ATRX: variants seen among roughly 807,000 people sequenced by gnomAD.
The protein encoded by ATRX is chromatin remodeler ATRX.
Under a neutral mutation model 172.6 loss-of-function variants are expected in ATRX, and 12 were observed. That is an observed-to-expected ratio of 0.07 (90% CI 0.04 to 0.11). The LOEUF (loss-of-function observed/expected upper bound fraction) is 0.11, where lower values mean the gene tolerates loss of function less well. ATRX is among the 10% of genes least tolerant of loss of function. The pLI, the probability that ATRX is intolerant of heterozygous loss-of-function variation, is 1.00. For synonymous variants in ATRX, 674 were observed against 594.7 expected (o/e 1.13, Z -1.94); for missense variants, 1,368 against 1,767.4 (o/e 0.77, Z 4.05).
At chrX:77,745,919 A>T (rs1006066236) in intron 1 of ATRX, among the ~76,000 whole-genome samples, 13 of 110,736 alleles carry the variant, frequency 1.2e-4, no homozygotes, top group Non-Finnish European at 2.5e-4. Flanking sequence ...GTACACACAA[A>T]TTTTTTTTTA....
At chrX:77,616,104 C>A in intron 22 of ATRX, 1 of 774,718 alleles carries the variant, frequency 1.3e-6, no homozygotes. Context: ...AAGAAATAAA[C>A]TAGAAGGTCT....
At chrX:77,589,989 T>C in intron 26 of ATRX, 49 bp from the exon 27 acceptor site, 1 of 989,227 alleles carries the variant, frequency 1.0e-6, no homozygotes, top group South Asian at 2.0e-5. Context: ...CTAGTAAAGA[T>C]ATCACTTCTT....
At chrX:77,652,015 T>C in intron 15 of ATRX, 99 bp downstream of exon 15, 1 of 926,940 alleles carries the variant, frequency 1.1e-6, no homozygotes, top group Admixed American at 2.2e-5. Flanking sequence ...GAGGCCAAGG[T>C]AGGAGGATCA....
chrX:77,532,273 T>C (rs1446527321), intron 30 of ATRX, among the ~76,000 whole-genome samples: 1 of 109,409 alleles, frequency 9.1e-6, no homozygotes, highest in African/African-American at 3.3e-5. Flanking sequence ...TTCACAGAAT[T>C]AGAAAAAAAA....
chrX:77,736,962 C>T (rs139106274), intron 1 of ATRX, among the ~76,000 whole-genome samples: 295 of 111,375 alleles, frequency 2.6e-3, no homozygotes, highest in Non-Finnish European at 4.7e-3. Flanking sequence ...GTGAAATAAG[C>T]CAGGCACAGA....
At chrX:77,742,365 C>T (rs985449771) in intron 1 of ATRX, among the ~76,000 whole-genome samples, 14 of 111,676 alleles carry the variant, frequency 1.3e-4, no homozygotes, top group South Asian at 7.5e-4. Flanking sequence ...TTCCACAGAA[C>T]CACTTTAAGT....
At chrX:77,737,435 AG>A (rs1210379916) in intron 1 of ATRX, among the ~76,000 whole-genome samples, 2,884 of 39,118 alleles carry the variant, frequency 0.074, 68 homozygotes, top group Non-Finnish European at 0.084. Flanking sequence ...AAAAAAAAAA[AG>A]GGGGGGGGGG....
chrX:77,714,386 G>T (rs898421195), intron 2 of ATRX, among the ~76,000 whole-genome samples: 2 of 111,806 alleles, frequency 1.8e-5, no homozygotes, highest in Non-Finnish European at 3.8e-5. Context: ...AATTTGGGTT[G>T]TTTTAAGCTG....
chrX:77,765,115 C>T (rs1442452174), intron 1 of ATRX, among the ~76,000 whole-genome samples: 2 of 110,105 alleles, frequency 1.8e-5, no homozygotes, highest in African/African-American at 6.6e-5. Flanking sequence ...TGCAGTGAGC[C>T]GAGATCACAC....
chrX:77,587,891 C>T (rs781985745), intron 27 of ATRX, among the ~76,000 whole-genome samples: 1 of 112,198 alleles, frequency 8.9e-6, no homozygotes, highest in Non-Finnish European at 1.9e-5. Flanking sequence ...GGCAGTACTT[C>T]CTAAAATTAA....
intron 22 of ATRX, among the ~76,000 whole-genome samples, chrX:77,611,067 T>C (rs1448794947): frequency 1.3e-4 from 14 of 110,671 alleles, no homozygotes; most frequent in African/African-American, 4.2e-4. Flanking sequence ...AAGCAAGATA[T>C]TAAATATTAA....
intron 30 of ATRX, among the ~76,000 whole-genome samples, chrX:77,532,836 G>A (rs1308185166): frequency 1.8e-5 from 2 of 111,713 alleles, no homozygotes; most frequent in African/African-American, 3.3e-5. Context: ...CAAAAGAAAC[G>A]ATCATCAGAG....
intron 10 of ATRX, among the ~76,000 whole-genome samples, chrX:77,668,716 C>T (rs2070386847): frequency 9.1e-6 from 1 of 110,456 alleles, no homozygotes; most frequent in African/African-American, 3.3e-5. Context: ...CCCCAAAACC[C>T]ACATATACTA....
intron 1 of ATRX, among the ~76,000 whole-genome samples, chrX:77,733,900 TAAATA>T (rs1479757498): frequency 3.1e-5 from 3 of 95,516 alleles, no homozygotes; most frequent in African/African-American, 1.2e-4. Flanking sequence ...ATAAATAAAA[TAAATA>T]AAATAAAAGG....
chrX:77,707,829 G>A (rs2072911503), intron 2 of ATRX, among the ~76,000 whole-genome samples: 1 of 111,874 alleles, frequency 8.9e-6, no homozygotes, highest in Non-Finnish European at 1.9e-5. Context: ...ATGAAATGAT[G>A]TTCAACATCA....
intron 30 of ATRX, among the ~76,000 whole-genome samples, chrX:77,525,409 CAA>C (rs2063350385): frequency 8.9e-6 from 1 of 111,883 alleles, no homozygotes; most frequent in South Asian, 3.7e-4. Flanking sequence ...AAACATGACT[CAA>C]GAGATAAAAT....
chrX:77,745,173 GAAAAAA>G (rs1247509964), intron 1 of ATRX, among the ~76,000 whole-genome samples: 2 of 27,446 alleles, frequency 7.3e-5, no homozygotes, highest in African/African-American at 3.0e-4. Context: ...TCTCAAAAAT[GAAAAAA>G]AAAAAAAAAA....
chrX:77,588,013 T>C (rs2066093817), intron 27 of ATRX, among the ~76,000 whole-genome samples: 1 of 112,142 alleles, frequency 8.9e-6, no homozygotes, highest in South Asian at 3.7e-4. Flanking sequence ...AGCCACACTT[T>C]CCAATTTCAA....
In ATRX at chrX:77,581,853, G is replaced by C. The variant is rs184411472; in HGVS notation, c.6218-7495C>G. Among the ~76,000 whole-genome samples the C allele has an allele frequency of 7.2e-5, 8 of 111,552 alleles. No homozygotes were observed. In the East Asian group the frequency reaches 1.7e-3, roughly 23 times the overall value. On this transcript the variant is annotated intron_variant, in intron 27 of 34. Coordinates refer to ENST00000373344, the MANE Select transcript of ATRX (RefSeq NM_000489.6). ...CTTCTCTCACCACAGTGGAATAAAA[G>C]GAGAAATTAATAACAAGGTATTTTG...
Sources: gnomAD v4.1 joint callset for allele counts (sites outside exome capture counted in the v4.1 genomes callset) on GRCh38, gnomAD v4.1.1 for gene constraint, MANE v1.5 for transcripts, NCBI Gene and HGNC (gene_info 2026-07-23, HGNC 2026-07-21) for gene names.